The following SHLD1 variants were observed in gnomAD, a reference collection of about 807,000 sequenced individuals.
The protein encoded by SHLD1 is shieldin complex subunit 1.
Under a neutral mutation model 5.5 loss-of-function variants are expected in SHLD1, and 3 were observed. The ratio of observed to expected loss-of-function variants is 0.54; its 90% CI spans 0.25 to 1.40. SHLD1 has a LOEUF of 1.40. Among genes scored for constraint, SHLD1 ranks in the 40% most tolerant of loss-of-function variants. The probability of loss-of-function intolerance (pLI) is 0.15; values close to 1 mark genes in which losing one functional copy is unlikely to be tolerated. For missense variants in SHLD1, 210 were observed against 244.4 expected (o/e 0.86, Z 0.94); for synonymous variants, 92 against 94.3 (o/e 0.98, Z 0.14).
At chr20:5,799,824 G>C (rs79116444) in intron 2 of SHLD1, among the ~76,000 whole-genome samples, 1,762 of 152,230 alleles carry the variant, frequency 0.012, 33 homozygotes, top group African/African-American at 0.04. Context: ...GGAAAAGGTG[G>C]TAAGATATCA....
In SHLD1 at chr20:5,855,620, C is replaced by T. The variant is rs1251946978; in HGVS notation, c.179-7404C>T. Among the ~76,000 whole-genome samples, 1 of 152,188 alleles carries T rather than the reference C, an allele frequency of 6.6e-6. No homozygotes were observed. The highest frequency in any genetic ancestry group is 2.4e-5 in the African/African-American group (1 of 41,444). On this transcript the variant is annotated intron_variant, in intron 2 of 2. Coordinates refer to ENST00000303142, the MANE Select transcript of SHLD1 (RefSeq NM_152504.4). The surrounding 1 kb of genome is among the most constrained non-coding windows in gnomAD (Gnocchi z 4.4). ...CTCCTGGGCTCAAGAGATCCACTTT[C>T]CTTGGCCCCCCAAAGTGCTGGGATT...
intron 2 of SHLD1, among the ~76,000 whole-genome samples, chr20:5,818,264 T>C (rs1036693829): frequency 2.6e-5 from 4 of 152,056 alleles, no homozygotes; most frequent in African/African-American, 9.6e-5. Context: ...TTAGTAGAGA[T>C]GGGGTTTCAC....
intron 2 of SHLD1, among the ~76,000 whole-genome samples, chr20:5,804,353 A>AC (rs757802780): frequency 0.086 from 8,244 of 95,634 alleles, 310 homozygotes; most frequent in African/African-American, 0.19. Flanking sequence ...AAAAAAAACT[A>AC]TATATATATA....
intron 2 of SHLD1, among the ~76,000 whole-genome samples, chr20:5,802,782 G>T (rs955297951): frequency 6.6e-6 from 1 of 152,036 alleles, no homozygotes; most frequent in African/African-American, 2.4e-5. Context: ...GGGTAGCTGG[G>T]ACTACACATG....
intron 1 of SHLD1, among the ~76,000 whole-genome samples, chr20:5,763,123 ACGCAGAAACCC>A: frequency 6.6e-6 from 1 of 152,072 alleles, no homozygotes; most frequent in South Asian, 2.1e-4. Context: ...CCTGACCAAC[ACGCAGAAACCC>A]CGTCTCTACT....
intron 2 of SHLD1, among the ~76,000 whole-genome samples, chr20:5,837,396 C>T (rs1041062747): frequency 6.6e-6 from 1 of 152,160 alleles, no homozygotes; most frequent in East Asian, 1.9e-4. Context: ...CTGCACACAT[C>T]ATCCCATCAC....
At chr20:5,832,605 G>A (rs762042584) in intron 2 of SHLD1, among the ~76,000 whole-genome samples, 11 of 152,038 alleles carry the variant, frequency 7.2e-5, no homozygotes, top group Admixed American at 2.6e-4. Context: ...ACCCAGCTAC[G>A]GCTTAAATTT....
At chr20:5,813,012 C>T (rs941834945) in intron 2 of SHLD1, among the ~76,000 whole-genome samples, 1 of 152,052 alleles carries the variant, frequency 6.6e-6, no homozygotes, top group Non-Finnish European at 1.5e-5. Flanking sequence ...GTACCTGGGA[C>T]CACAGGTGTG....
intron 2 of SHLD1, among the ~76,000 whole-genome samples, chr20:5,820,226 G>C (rs534630130): frequency 1.3e-5 from 2 of 152,218 alleles, no homozygotes; most frequent in African/African-American, 4.8e-5. Context: ...GATTATAGGC[G>C]TGAGCCACCA....
chr20:5,762,910 T>C (rs1600093783), intron 1 of SHLD1, among the ~76,000 whole-genome samples: 1 of 147,276 alleles, frequency 6.8e-6, no homozygotes, highest in African/African-American at 2.5e-5. Context: ...GAGGCGGAGG[T>C]TGCAGTGAGC....
intron 2 of SHLD1, among the ~76,000 whole-genome samples, chr20:5,777,665 G>T (rs1462802027): frequency 6.7e-6 from 1 of 150,150 alleles, no homozygotes; most frequent in Admixed American, 6.6e-5. Flanking sequence ...GAACTCCTGG[G>T]CCCAAGCGAT....
chr20:5,800,867 A>G (rs944445523), intron 2 of SHLD1, among the ~76,000 whole-genome samples: 7 of 151,808 alleles, frequency 4.6e-5, no homozygotes, highest in Admixed American at 3.9e-4. Context: ...GCGTATGTCT[A>G]TATCTCCTGA....
rs2087373541 is a variant in SHLD1, at chr20:5,806,231, G to A, written c.178+33188G>A. Among the ~76,000 whole-genome samples, 4 of 152,126 alleles carry A rather than the reference G, an allele frequency of 2.6e-5. No individual in the cohort carries two copies. The highest frequency in any genetic ancestry group is 6.5e-5 in the Admixed American group (1 of 15,268). On this transcript the variant is annotated intron_variant, in intron 2 of 2. Coordinates refer to ENST00000303142, the MANE Select transcript of SHLD1 (RefSeq NM_152504.4). This position sits in a 1 kb window ranked among gnomAD's most constrained non-coding sequence, Gnocchi z 7.6. ...GGGGACAATAATATCTACCTGATGG[G>A]TGGACACATAGTAGCTGACATAAGT...
At chr20:5,766,686 T>A (rs181488819) in intron 1 of SHLD1, among the ~76,000 whole-genome samples, 2 of 152,322 alleles carry the variant, frequency 1.3e-5, no homozygotes, top group African/African-American at 4.8e-5. Flanking sequence ...GCCTGGCCTC[T>A]AACAAGCATT....
At chr20:5,767,152 T>C (rs1444219953) in intron 1 of SHLD1, among the ~76,000 whole-genome samples, 1 of 114,026 alleles carries the variant, frequency 8.8e-6, no homozygotes, top group Non-Finnish European at 2.0e-5. Flanking sequence ...CTTTTCTTTT[T>C]GAGACAGAGT....
chr20:5,815,321 T>C (rs1281194914), intron 2 of SHLD1, among the ~76,000 whole-genome samples: 2 of 152,206 alleles, frequency 1.3e-5, no homozygotes, highest in Non-Finnish European at 2.9e-5. Context: ...GCTTCTAATA[T>C]GCAGCCACGC....
intron 2 of SHLD1, among the ~76,000 whole-genome samples, chr20:5,778,925 A>G (rs61033030): frequency 0.063 from 9,579 of 152,144 alleles, 1,029 homozygotes; most frequent in African/African-American, 0.22. Context: ...TTAGGAGGCC[A>G]GATGCAGTGG....
intron 1 of SHLD1, among the ~76,000 whole-genome samples, chr20:5,769,182 C>T (rs1422350322): frequency 6.6e-6 from 1 of 152,244 alleles, no homozygotes; most frequent in African/African-American, 2.4e-5. Context: ...GCTGGAATTA[C>T]AGGCGTGAGC....
At chr20:5,815,002 A>G (rs994478427) in intron 2 of SHLD1, among the ~76,000 whole-genome samples, 3 of 152,070 alleles carry the variant, frequency 2.0e-5, no homozygotes, top group Admixed American at 1.3e-4. Context: ...TTGGAAGGAA[A>G]CATCCAGAAT....
Sources: gnomAD v4.1 joint callset for allele counts (sites outside exome capture counted in the v4.1 genomes callset) on GRCh38, gnomAD v4.1.1 for gene constraint, Gnocchi (gnomAD v3.1) non-coding constraint, MANE v1.5 for transcripts, NCBI Gene and HGNC (gene_info 2026-07-23, HGNC 2026-07-21) for gene names.